KANTR: variants seen among roughly 807,000 people sequenced by gnomAD.
KANTR encodes KDM5C adjacent transcript.
chrX:53,136,424 G>C (rs1556817643), intron 2 of KANTR, among the ~76,000 whole-genome samples: 2 of 105,332 alleles, frequency 1.9e-5, no homozygotes, highest in Non-Finnish European at 1.9e-5. Context: ...TTTTACTAGA[G>C]ATGGGGTTTC....
chrX:53,138,293 C>G (rs1933452746), intron 2 of KANTR, among the ~76,000 whole-genome samples: 1 of 105,829 alleles, frequency 9.4e-6, no homozygotes, highest in South Asian at 4.6e-4. Flanking sequence ...GTCTTGAAAT[C>G]CCGACCTCAG....
intron 2 of KANTR, among the ~76,000 whole-genome samples, chrX:53,108,321 C>T (rs1932980526): frequency 9.1e-6 from 1 of 109,486 alleles, no homozygotes; most frequent in Admixed American, 9.8e-5. Flanking sequence ...TGTGCCTCAG[C>T]CTCCCAAGCA....
chrX:53,142,615 C>CA (rs1933519101), exon 3 of KANTR: 1 of 319,053 alleles, frequency 3.1e-6, no homozygotes, highest in Non-Finnish European at 6.0e-6. Context: ...CTTCTGGCCA[C>CA]AAATTTCTTT....
intron 2 of KANTR, among the ~76,000 whole-genome samples, chrX:53,115,634 G>T (rs1448361428): frequency 8.8e-6 from 1 of 113,237 alleles, no homozygotes; most frequent in Non-Finnish European, 1.9e-5. Flanking sequence ...CCTGCCCAGT[G>T]CTGGGTTTGA....
chrX:53,132,797 G>GA (rs1290207217), intron 2 of KANTR, among the ~76,000 whole-genome samples: 7 of 111,646 alleles, frequency 6.3e-5, no homozygotes, highest in Non-Finnish European at 1.1e-4. Flanking sequence ...GGGAAATAGT[G>GA]ATGGGTGCAC....
chrX:53,109,468 G>C (rs1208147010), intron 2 of KANTR, among the ~76,000 whole-genome samples: 1 of 111,193 alleles, frequency 9.0e-6, no homozygotes, highest in African/African-American at 3.3e-5. Flanking sequence ...ATTTTTAGTA[G>C]AGATGGGGTT....
chrX:53,129,070 T>C (rs1244866741), downstream of KANTR, among the ~76,000 whole-genome samples: 4 of 94,375 alleles, frequency 4.2e-5, no homozygotes, highest in Non-Finnish European at 6.4e-5. Context: ...TTCTTCTTTT[T>C]TTTTTTTTTT....
intron 1 of KANTR, among the ~76,000 whole-genome samples, chrX:53,097,738 TC>T (rs1932856362): frequency 9.3e-6 from 1 of 107,581 alleles, no homozygotes; most frequent in Non-Finnish European, 1.9e-5. Context: ...TCACTTAGAT[TC>T]CCCACATGTT....
chrX:53,143,993 C>T (rs1205818454), downstream of KANTR: 11 of 237,726 alleles, frequency 4.6e-5, no homozygotes, highest in African/African-American at 3.1e-4. Flanking sequence ...GACTGTATTA[C>T]TGGATTTTGA....
intron 2 of KANTR, among the ~76,000 whole-genome samples, chrX:53,118,490 A>G (rs782393949): frequency 7.2e-4 from 81 of 111,866 alleles, no homozygotes; most frequent in Non-Finnish European, 1.0e-3. Flanking sequence ...TCTGGGTACA[A>G]TGGCTCATGC....
At chrX:53,143,071 A>G, downstream of KANTR, 1 of 1,203,311 alleles carries the variant, frequency 8.3e-7, no homozygotes, top group Non-Finnish European at 1.1e-6. Context: ...GTCACACTTC[A>G]TGATGGAGTT....
intron 1 of KANTR, chrX:53,094,676 G>C (rs1355886764): frequency 9.0e-6 from 1 of 111,607 alleles, no homozygotes; most frequent in Non-Finnish European, 1.9e-5. Flanking sequence ...GCTGAATCCT[G>C]ACCAGTTTAA....
chrX:53,104,452 C>G (rs997372193), intron 2 of KANTR, among the ~76,000 whole-genome samples: 53 of 109,938 alleles, frequency 4.8e-4, no homozygotes, highest in Non-Finnish European at 7.4e-4. Flanking sequence ...GTCTCAAACT[C>G]CTGACCTCAA....
exon 3 of KANTR, chrX:53,126,818 C>A (rs1381642530): frequency 9.0e-6 from 1 of 111,406 alleles, no homozygotes; most frequent in Non-Finnish European, 1.9e-5. Context: ...AGTACCTATA[C>A]TATTCTTCTC....
At chrX:53,104,372 G>A (rs928265814) in intron 2 of KANTR, among the ~76,000 whole-genome samples, 9 of 109,749 alleles carry the variant, frequency 8.2e-5, no homozygotes, top group Non-Finnish European at 1.1e-4. Flanking sequence ...GATTACAGGC[G>A]CACACCACCA....
intron 2 of KANTR, among the ~76,000 whole-genome samples, chrX:53,114,127 C>G (rs1933088049): frequency 9.0e-6 from 1 of 111,347 alleles, no homozygotes; most frequent in Non-Finnish European, 1.9e-5. Flanking sequence ...TCTCAAACTC[C>G]TGAGCTCAAG....
At chrX:53,095,721 A>C (rs1449788622) in intron 1 of KANTR, among the ~76,000 whole-genome samples, 3 of 111,524 alleles carry the variant, frequency 2.7e-5, no homozygotes, top group African/African-American at 9.8e-5. Context: ...TTGATTGGTG[A>C]TTCAGAAGCC....
Position 53,103,777 on chromosome X carries a change from C to T in KANTR, c.-805+4169C>T, listed in dbSNP as rs1480435020. 2.7e-5 allele frequency among the ~76,000 whole-genome samples: 3 copies of T among 111,629 alleles called. No homozygotes were observed. In the Admixed American group the frequency reaches 2.9e-4, roughly 11 times the overall value. On this transcript the variant is annotated intron_variant, in intron 2 of 2. Coordinates refer to ENST00000604062, the Ensembl canonical transcript of KANTR. ...AAACATCTGCAGATTCCCACCACCA[C>T]ATCCAACCACCACACAGCATCTGTA...
chrX:53,143,213 C>T (rs1933527870), downstream of KANTR: 10 of 685,082 alleles, frequency 1.5e-5, no homozygotes, highest in South Asian at 1.5e-4. Context: ...CATAGCTCTT[C>T]TCCAGGGAGG....
Sources: allele counts gnomAD v4.1 joint callset (sites outside exome capture counted in the v4.1 genomes callset), GRCh38; gene constraint gnomAD v4.1.1; transcripts MANE v1.5; gene names NCBI Gene and HGNC (gene_info 2026-07-23, HGNC 2026-07-21).